Variants in NFE2L3 observed in about 807,000 individuals in gnomAD.
The protein encoded by NFE2L3 is NFE2 like bZIP transcription factor 3, also known as nuclear factor erythroid 2-related factor 3.
Under a neutral mutation model 23.5 loss-of-function variants are expected in NFE2L3, and 18 were observed. That is an observed-to-expected ratio of 0.77 (90% CI 0.53 to 1.13). The LOEUF (loss-of-function observed/expected upper bound fraction) is 1.13. Among genes scored for constraint, NFE2L3 ranks in the 50% most tolerant of loss-of-function variants. The pLI, the probability that NFE2L3 is intolerant of heterozygous loss-of-function variation, is 0.00. For missense variants in NFE2L3, 1,152 were observed against 877.2 expected (o/e 1.31, Z -3.96); for synonymous variants, 424 against 354.5 (o/e 1.20, Z -2.20).
intron 1 of NFE2L3, among the ~76,000 whole-genome samples, chr7:26,177,690 C>G (rs534886490): frequency 4.1e-4 from 62 of 152,328 alleles, no homozygotes; most frequent in African/African-American, 1.5e-3. Flanking sequence ...CAAATCTAAT[C>G]TAACTCATGA....
At chr7:26,163,813 G>A (rs563107133) in intron 1 of NFE2L3, among the ~76,000 whole-genome samples, 255 of 144,028 alleles carry the variant, frequency 1.8e-3, no homozygotes, top group Middle Eastern at 3.5e-3. Context: ...CTCCTCCCCC[G>A]ACCCCACAAC....
chr7:26,185,456 G>C lies in NFE2L3; in HGVS notation c.1758G>C (p.Gly586=), dbSNP rs781480655. The stretch of plus-strand genomic sequence containing the variant: ...TTATCCGTGACATCAGACGAAGAGG[G>C]AAAAATAAAGTTGCTGCGCAGAACT... The part of the protein sequence containing the change: ...VSLIRDIRRR[G]KNKVAAQNCR... The change falls in exon 4 of 4, where the codon GGG becomes GGC. Residue 586 remains glycine (G), a synonymous_variant. Transcript: ENST00000056233. 1 of 1,614,086 alleles carries C rather than the reference G, an allele frequency of 6.2e-7. No homozygotes were observed. Among genetic ancestry groups the C allele is most frequent in the East Asian group, 2.2e-5 (1 of 44,886 alleles).
intron 1 of NFE2L3, among the ~76,000 whole-genome samples, chr7:26,164,223 AATCGCCAC>A (rs1247002477): frequency 9.9e-5 from 15 of 152,204 alleles, no homozygotes; most frequent in Non-Finnish European, 2.1e-4. Flanking sequence ...ATCCCTGAGG[AATCGCCAC>A]ACTGACTTCC....
In NFE2L3 at chr7:26,152,924, C is replaced by T; in HGVS notation, c.426C>T (p.Ser142=). Residue 142 remains serine, a synonymous_variant, in exon 1 of 4, where the codon AGC becomes AGT. Coordinates refer to ENST00000056233, the MANE Select transcript of NFE2L3 (RefSeq NM_004289.7). The surrounding 1 kb of genome is among the most constrained non-coding windows in gnomAD (Gnocchi z 4.4). ...AASSTGGAGA[S]VDGGSQAVQG... is the part of the protein sequence containing the mutation. Reference sequence around the variant, plus strand: ...CGTCCACCGGAGGAGCCGGCGCCAGCGTGGACGGCGGCAGCCAGGCTGTGC... The same window carrying T: ...CGTCCACCGGAGGAGCCGGCGCCAGTGTGGACGGCGGCAGCCAGGCTGTGC... 21 of 1,438,836 alleles carry T rather than the reference C, an allele frequency of 1.5e-5. No homozygotes were observed. The highest frequency in any genetic ancestry group is 1.9e-5 in the Non-Finnish European group (21 of 1,108,162). 89.1% of individuals were successfully genotyped at this position (1,438,836 alleles called of 1,614,324 possible).
At chr7:26,181,782 AAAG>A (rs1784516672) in intron 2 of NFE2L3, among the ~76,000 whole-genome samples, 1 of 152,202 alleles carries the variant, frequency 6.6e-6, no homozygotes, top group African/African-American at 2.4e-5. Flanking sequence ...TATCATGAAA[AAAG>A]AAAAAGATCT....
Position 26,185,643 on chromosome 7 carries a change from T to A in NFE2L3, c.1945T>A (p.Leu649Ile). Residue 649 changes from leucine (L) to isoleucine (I), a missense_variant, in exon 4 of 4, where the codon TTA becomes ATA. Physicochemically the swap from Leu to Ile is conservative, Grantham distance 5. Coordinates refer to ENST00000056233, the MANE Select transcript of NFE2L3 (RefSeq NM_004289.7). ...CCTTTATCATGATATTTTTAGTAGA[T>A]TAAGAGATGACCAAGGTAGGCCAGT... ...HDLYHDIFSR[L>I]RDDQGRPVNP... is the part of the protein sequence containing the mutation. The A allele has an allele frequency of 6.2e-7, 1 of 1,613,920 alleles. No homozygotes were observed. The highest frequency in any genetic ancestry group is 8.5e-7 in the Non-Finnish European group (1 of 1,179,830).
intron 1 of NFE2L3, among the ~76,000 whole-genome samples, chr7:26,163,386 G>A (rs1211148795): frequency 6.6e-6 from 1 of 152,078 alleles, no homozygotes; most frequent in Non-Finnish European, 1.5e-5. Flanking sequence ...TGCTCTTGTT[G>A]CCCAGGCTGG....
In NFE2L3 at chr7:26,183,803, T is replaced by G; in HGVS notation, c.834+19T>G. The G allele has an allele frequency of 6.4e-7, 1 of 1,550,722 alleles. No individual in the cohort carries two copies. The highest frequency in any genetic ancestry group is 1.1e-5 in the South Asian group (1 of 89,728). On this transcript the variant is annotated intron_variant, in intron 3 of 3. Coordinates refer to ENST00000056233, the MANE Select transcript of NFE2L3 (RefSeq NM_004289.7). ...ACTGGAGGTAATTGGAACTTTGGCT[T>G]TTATCCTCGCAGGAACATATCTGCA...
intron 1 of NFE2L3, among the ~76,000 whole-genome samples, chr7:26,170,787 C>T (rs1243591847): frequency 1.3e-5 from 2 of 152,204 alleles, no homozygotes; most frequent in South Asian, 2.1e-4. Flanking sequence ...GACCCTGACT[C>T]GCTCTTGGCC....
In NFE2L3 at chr7:26,180,417, A is replaced by C. The variant is rs373152106; in HGVS notation, c.750+2295A>C. Among the ~76,000 whole-genome samples, 18 of 152,234 alleles carry C rather than the reference A, an allele frequency of 1.2e-4. No individual in the cohort carries two copies. The East Asian group carries it at 1.7e-3, about 15-fold the overall frequency. Reference sequence around the variant, plus strand: ...GCTCCTCTGACTTATCTATTTCCTAATTAATGGATGCATTGTATGGTTTTA... The same window carrying C: ...GCTCCTCTGACTTATCTATTTCCTACTTAATGGATGCATTGTATGGTTTTA... On this transcript the variant is annotated intron_variant, in intron 2 of 3. Coordinates refer to ENST00000056233, the MANE Select transcript of NFE2L3 (RefSeq NM_004289.7).
chr7:26,175,778 C>CAAAA (rs766870480), intron 1 of NFE2L3, among the ~76,000 whole-genome samples: 2 of 80,376 alleles, frequency 2.5e-5, no homozygotes, highest in Non-Finnish European at 5.3e-5. Context: ...GACTCTGTCT[C>CAAAA]AAAAAAAAAA....
chr7:26,168,605 C>T (rs1247445454), intron 1 of NFE2L3, among the ~76,000 whole-genome samples: 4 of 150,180 alleles, frequency 2.7e-5, no homozygotes, highest in African/African-American at 9.8e-5. Context: ...CTCACAATTT[C>T]TTTATCCACT....
At chr7:26,179,179 G>A (rs1784464060) in intron 2 of NFE2L3, among the ~76,000 whole-genome samples, 1 of 151,912 alleles carries the variant, frequency 6.6e-6, no homozygotes, top group South Asian at 2.1e-4. Context: ...AAATCGCTCT[G>A]GCCATCCCAG....
At chr7:26,162,368 T>C (rs1267194299) in intron 1 of NFE2L3, among the ~76,000 whole-genome samples, 1 of 152,060 alleles carries the variant, frequency 6.6e-6, no homozygotes, top group East Asian at 1.9e-4. Context: ...GGTGAAGGTA[T>C]TGATGATAAG....
At chr7:26,160,144 GAC>G (rs896598731) in intron 1 of NFE2L3, among the ~76,000 whole-genome samples, 59 of 152,246 alleles carry the variant, frequency 3.9e-4, no homozygotes, top group African/African-American at 1.4e-3. Flanking sequence ...TGTTTGCAGA[GAC>G]AAGGTCTTGC....
intron 1 of NFE2L3, among the ~76,000 whole-genome samples, chr7:26,162,111 C>T (rs1254060046): frequency 6.6e-6 from 1 of 151,216 alleles, no homozygotes; most frequent in Non-Finnish European, 1.5e-5. Context: ...CCACTGCACT[C>T]CAGCCTGGGT....
At chr7:26,180,916 T>A (rs1315260644) in intron 2 of NFE2L3, among the ~76,000 whole-genome samples, 1 of 152,178 alleles carries the variant, frequency 6.6e-6, no homozygotes, top group Admixed American at 6.5e-5. Context: ...TTGTGTTATC[T>A]CCATGTTCCT....
At chr7:26,160,239 G>C (rs1784146585) in intron 1 of NFE2L3, among the ~76,000 whole-genome samples, 2 of 152,134 alleles carry the variant, frequency 1.3e-5, no homozygotes. Flanking sequence ...TTACAGGTGT[G>C]AGCCACCGCA....
intron 1 of NFE2L3, among the ~76,000 whole-genome samples, chr7:26,175,667 T>TGACACAGCACATGTTTC (rs1554323222): frequency 6.6e-6 from 1 of 151,232 alleles, no homozygotes. Flanking sequence ...TAGTCCCAGT[T>TGACACAGCACATGTTTC]ACTGGGGAGG....
Sources: allele counts gnomAD v4.1 joint callset (sites outside exome capture counted in the v4.1 genomes callset), GRCh38; gene constraint gnomAD v4.1.1; non-coding constraint Gnocchi (gnomAD v3.1); transcripts MANE v1.5; gene names NCBI Gene and HGNC (gene_info 2026-07-23, HGNC 2026-07-21).